Variants in MEIS2 observed in about 807,000 individuals in gnomAD.
MEIS2 encodes the protein Meis homeobox 2.
In MEIS2, 9 loss-of-function variants were observed where a neutral mutation model predicts 58.6. The ratio of observed to expected loss-of-function variants is 0.15; its 90% CI spans 0.09 to 0.27. MEIS2 has a LOEUF of 0.27. Ranked by LOEUF, MEIS2 falls within the 10% of genes least tolerant of loss-of-function variation. The pLI is 1.00. For synonymous variants in MEIS2, 221 were observed against 228.4 expected (o/e 0.97, Z 0.29); for missense variants, 427 against 635.0 (o/e 0.67, Z 3.52).
At chr15:36,966,081 A>G (rs2059346189) in intron 8 of MEIS2, among the ~76,000 whole-genome samples, 2 of 152,134 alleles carry the variant, frequency 1.3e-5, no homozygotes, top group Admixed American at 6.5e-5. Context: ...CAAGTTTTGA[A>G]CAGTTCCTAG....
At chr15:36,915,526 C>T (rs1158585040) in intron 9 of MEIS2, among the ~76,000 whole-genome samples, 1 of 152,132 alleles carries the variant, frequency 6.6e-6, no homozygotes, top group African/African-American at 2.4e-5. Context: ...ATCCCTGGCA[C>T]CAAAAGGACC....
intron 7 of MEIS2, among the ~76,000 whole-genome samples, chr15:37,070,183 G>A (rs887094787): frequency 2.6e-5 from 4 of 152,166 alleles, no homozygotes; most frequent in African/African-American, 9.7e-5. Context: ...TAACTACATG[G>A]AGAGCTGGGT....
chr15:36,922,416 G>A, intron 9 of MEIS2, among the ~76,000 whole-genome samples: 1 of 151,348 alleles, frequency 6.6e-6, no homozygotes, highest in Admixed American at 6.6e-5. Context: ...GTTTTTTTGT[G>A]TGTGTGTTTG....
At chr15:37,073,932 A>G (rs1348556174) in intron 7 of MEIS2, among the ~76,000 whole-genome samples, 1 of 152,092 alleles carries the variant, frequency 6.6e-6, no homozygotes, top group Non-Finnish European at 1.5e-5. Flanking sequence ...GTACTTATCT[A>G]TATTTTATAT....
chr15:36,984,936 C>A, intron 8 of MEIS2, among the ~76,000 whole-genome samples: 1 of 152,044 alleles, frequency 6.6e-6, no homozygotes, highest in East Asian at 1.9e-4. Flanking sequence ...GTTGCAATGT[C>A]TCCTCTTTCA....
chr15:36,896,461 C>T (rs2056182791), intron 10 of MEIS2, among the ~76,000 whole-genome samples, 167 bp downstream of exon 10: 1 of 151,906 alleles, frequency 6.6e-6, no homozygotes, highest in African/African-American at 2.4e-5. Flanking sequence ...CCAATTAGCA[C>T]CACTTACTGA....
At position 36,942,033 on chromosome 15, in the gene MEIS2, A is replaced by G. The variant is rs2058393560; in HGVS notation, c.977+8291T>C. Among the ~76,000 whole-genome samples the G allele has an allele frequency of 1.3e-5, 2 of 152,304 alleles. 1 individual carries two copies. Among genetic ancestry groups the G allele is most frequent in the South Asian group, 4.1e-4 (2 of 4,830 alleles). ...GGGACTTATCTAAAAGATAAAGTGT[A>G]TCTAGAGACACAGGGAAATCTCATA... On this transcript the variant is annotated intron_variant, in intron 9 of 11. Coordinates refer to ENST00000561208, the MANE Select transcript of MEIS2 (RefSeq NM_170675.5).
intron 8 of MEIS2, among the ~76,000 whole-genome samples, chr15:37,029,434 CA>C (rs1299690148): frequency 6.6e-6 from 1 of 152,164 alleles, no homozygotes; most frequent in African/African-American, 2.4e-5. Flanking sequence ...AATTTCCAAG[CA>C]GAAATAACTA....
intron 9 of MEIS2, among the ~76,000 whole-genome samples, chr15:36,936,859 T>A (rs557483795): frequency 1.3e-5 from 2 of 152,330 alleles, no homozygotes; most frequent in South Asian, 4.1e-4. Flanking sequence ...AAAAGATAAC[T>A]GTTTTCAGAA....
At chr15:36,978,798 T>C (rs1057322290) in intron 8 of MEIS2, among the ~76,000 whole-genome samples, 1 of 152,210 alleles carries the variant, frequency 6.6e-6, no homozygotes, top group African/African-American at 2.4e-5. Context: ...ACATCTCTAT[T>C]ACATTTTGAT....
chr15:36,979,300 T>C (rs142828840), intron 8 of MEIS2, among the ~76,000 whole-genome samples: 1 of 152,256 alleles, frequency 6.6e-6, no homozygotes, highest in East Asian at 1.9e-4. Context: ...CAAGAATACA[T>C]ATATTACATA....
At chr15:36,979,744 AAT>A (rs968780361) in intron 8 of MEIS2, among the ~76,000 whole-genome samples, 15 of 147,344 alleles carry the variant, frequency 1.0e-4, no homozygotes, top group African/African-American at 2.7e-4. Context: ...TTATTATATA[AAT>A]ATATATATAA....
chr15:37,005,449 A>T (rs190664114), intron 8 of MEIS2, among the ~76,000 whole-genome samples: 22 of 152,290 alleles, frequency 1.4e-4, no homozygotes, highest in African/African-American at 5.3e-4. Flanking sequence ...TGGTGGCAGC[A>T]ACACCTCCCT....
chr15:37,024,581 G>A (rs149855908), intron 8 of MEIS2, among the ~76,000 whole-genome samples: 150 of 152,168 alleles, frequency 9.9e-4, no homozygotes, highest in Non-Finnish European at 1.9e-3. Context: ...CTGTGCTTTC[G>A]TCTAACTGAG....
chr15:37,051,340 A>G lies in MEIS2; in HGVS notation c.755-14381T>C, dbSNP rs185288689. ...GCATGGTACATTTTGAAATCATGCTAAATGGAGAAAGCCACACGCAAAAGG... is the reference window on the plus strand; with the variant it reads ...GCATGGTACATTTTGAAATCATGCTGAATGGAGAAAGCCACACGCAAAAGG... On this transcript the variant is annotated intron_variant, in intron 7 of 11. Coordinates refer to ENST00000561208, the MANE Select transcript of MEIS2 (RefSeq NM_170675.5). Among the ~76,000 whole-genome samples, 6 of 152,344 alleles carry G rather than the reference A, an allele frequency of 3.9e-5. 1 individual carries two copies. The East Asian group carries it at 1.2e-3, about 29-fold the overall frequency.
In MEIS2 at chr15:36,889,676, G is replaced by A. The variant is rs1270649146; in HGVS notation, c.*2497C>T. ...TCCTAAACACGAGCCAATTGCCAAG[G>A]AAACCCTTCAGAATTTACTGAGTGG... On this transcript the variant is annotated 3_prime_UTR_variant, in exon 12 of 12. Coordinates refer to ENST00000561208, the MANE Select transcript of MEIS2 (RefSeq NM_170675.5). The A allele has an allele frequency of 6.6e-6, 1 of 152,054 alleles. No homozygotes were observed. The highest frequency in any genetic ancestry group is 1.5e-5 in the Non-Finnish European group (1 of 68,004). The allele number at this position is 152,054 out of a possible 1,614,324, so 9.4% of individuals were successfully genotyped here. A position where few individuals can be genotyped will look rare whatever the true frequency, so the allele number is the denominator to read the frequency against.
intron 7 of MEIS2, among the ~76,000 whole-genome samples, chr15:37,070,056 A>G (rs1890491919): frequency 6.6e-6 from 1 of 152,204 alleles, no homozygotes; most frequent in Admixed American, 6.5e-5. Context: ...TGTCAAGAGT[A>G]AAAGTCTGCT....
Position 36,923,329 on chromosome 15 carries a change from CT to C in MEIS2, c.978-26644del, listed in dbSNP as rs1172658749. Among the ~76,000 whole-genome samples the C allele has an allele frequency of 1.7e-3, 255 of 146,750 alleles. 2 individuals carry two copies. Among genetic ancestry groups the C allele is most frequent in the African/African-American group, 4.8e-3 (192 of 40,142 alleles). The stretch of plus-strand genomic sequence containing the variant: ...TATCATCCTGTTCTAAGGTTCTGAG[CT>C]TTTTTTTTTTCTTTTTACTTTTTGT... On this transcript the variant is annotated intron_variant, in intron 9 of 11. Transcript: ENST00000561208.
intron 8 of MEIS2, among the ~76,000 whole-genome samples, chr15:36,966,582 C>G (rs1325612514): frequency 6.6e-6 from 1 of 152,110 alleles, no homozygotes. Flanking sequence ...ATGGTACCTA[C>G]CTCATAGAGT....
Sources: gnomAD v4.1 joint callset for allele counts (sites outside exome capture counted in the v4.1 genomes callset) on GRCh38, gnomAD v4.1.1 for gene constraint, MANE v1.5 for transcripts, NCBI Gene and HGNC (gene_info 2026-07-23, HGNC 2026-07-21) for gene names.